BICC1: variants seen among roughly 807,000 people sequenced by gnomAD.
BICC1 encodes protein bicaudal C homolog 1.
Under a neutral mutation model 111.0 loss-of-function variants are expected in BICC1, and 43 were observed. The ratio of observed to expected loss-of-function variants is 0.39; its 90% CI spans 0.30 to 0.50. BICC1 has a LOEUF of 0.50. Ranked by LOEUF, BICC1 falls within the 20% of genes least tolerant of loss-of-function variation. The pLI is 0.88. For synonymous variants in BICC1, 467 were observed against 434.4 expected, an observed-to-expected ratio of 1.07 and a Z score of -0.93; for missense variants, 1,091 against 1,203.2, an observed-to-expected ratio of 0.91 and a Z score of 1.38.
intron 1 of BICC1, among the ~76,000 whole-genome samples, chr10:58,609,769 A>G (rs1418369616): frequency 6.6e-6 from 1 of 152,238 alleles, no homozygotes; most frequent in Non-Finnish European, 1.5e-5. Flanking sequence ...TAGGAAGATC[A>G]GCATAAGCTC....
Position 58,513,075 on chromosome 10 carries a change from C to A in BICC1, c.-69C>A, listed in dbSNP as rs1842138056. The A allele has an allele frequency of 8.2e-7, 1 of 1,224,106 alleles. No homozygotes were observed. Among genetic ancestry groups the A allele is most frequent in the Non-Finnish European group, 1.0e-6 (1 of 967,302 alleles). 75.8% of individuals were successfully genotyped at this position (1,224,106 alleles called of 1,614,324 possible). A position where few individuals can be genotyped will look rare whatever the true frequency, so the allele number is the denominator to read the frequency against. On this transcript the variant is annotated 5_prime_UTR_variant, in exon 1 of 21. Coordinates refer to ENST00000373886, the MANE Select transcript of BICC1 (RefSeq NM_001080512.3). ...GCGCTGGGAGCCAGTTGAGCCCGGC[C>A]GGCGAGCGGAGGCGGCAGCGCAGGC...
chr10:58,608,632 T>G (rs953281301), intron 1 of BICC1, among the ~76,000 whole-genome samples: 26 of 152,236 alleles, frequency 1.7e-4, no homozygotes, highest in Admixed American at 7.2e-4. Context: ...CAACTATACG[T>G]CCTTAGAGGT....
intron 1 of BICC1, among the ~76,000 whole-genome samples, chr10:58,591,930 G>A (rs1844632275): frequency 6.6e-6 from 1 of 152,194 alleles, no homozygotes; most frequent in African/African-American, 2.4e-5. Context: ...GTTGTGCTTA[G>A]CAATGTTTCT....
At chr10:58,719,390 A>C (rs1193112131) in intron 3 of BICC1, among the ~76,000 whole-genome samples, 1 of 152,060 alleles carries the variant, frequency 6.6e-6, no homozygotes, top group African/African-American at 2.4e-5. Flanking sequence ...ACTCATCCTC[A>C]CACATCCATC....
intron 1 of BICC1, among the ~76,000 whole-genome samples, chr10:58,521,768 GTTTTTTTTTTTTTTTTTTTTTTTT>G (rs573116230): frequency 1.5e-4 from 17 of 112,804 alleles, no homozygotes; most frequent in Non-Finnish European, 2.1e-4. Context: ...GGAATGTGGT[GTTTTTTTTTTTTTTTTTTTTTTTT>G]TTTTTTTTTT....
intron 3 of BICC1, chr10:58,715,420 C>T (rs1442477858): frequency 1.6e-6 from 1 of 615,758 alleles, no homozygotes; most frequent in Non-Finnish European, 2.9e-6. Flanking sequence ...CACATTTCTA[C>T]CATTGGATTT....
At chr10:58,783,607 TTGTG>T (rs1842936602) in intron 3 of BICC1, among the ~76,000 whole-genome samples, 1 of 150,994 alleles carries the variant, frequency 6.6e-6, no homozygotes. Flanking sequence ...TGGTGGTAAA[TTGTG>T]AAAGGTGTGA....
chr10:58,529,847 A>G (rs1658477), intron 1 of BICC1, among the ~76,000 whole-genome samples: 69,753 of 151,688 alleles, frequency 0.46, 17,094 homozygotes, highest in Admixed American at 0.62. Context: ...CATTATCTAA[A>G]TAGAGCATAT....
rs370340196 is a variant in BICC1 at position 58,564,752 on chromosome 10, A to G, written c.190+51419A>G. On this transcript the variant is annotated intron_variant, in intron 1 of 20. Coordinates refer to ENST00000373886, the MANE Select transcript of BICC1 (RefSeq NM_001080512.3). ...AACCCATTTGATATGAATTTGGTAA[A>G]TATGGTTATAAATGGTTCTGGCTAT... Among the ~76,000 whole-genome samples the G allele has an allele frequency of 1.6e-4, 24 of 152,324 alleles. 1 individual carries two copies. Among genetic ancestry groups the G allele is most frequent in the Admixed American group, 9.8e-4 (15 of 15,300 alleles).
chr10:58,515,306 G>A (rs761064795), intron 1 of BICC1, among the ~76,000 whole-genome samples: 1 of 152,150 alleles, frequency 6.6e-6, no homozygotes, highest in Non-Finnish European at 1.5e-5. Context: ...TTAGAAATGT[G>A]TCCTTAGGCA....
chr10:58,595,566 C>G (rs1844784744), intron 1 of BICC1, among the ~76,000 whole-genome samples: 1 of 152,196 alleles, frequency 6.6e-6, no homozygotes, highest in African/African-American at 2.4e-5. Context: ...AAAACTCACT[C>G]AAAACCACAC....
chr10:58,813,688 C>T, intron 17 of BICC1, 142 bp from the exon 18 acceptor site: 1 of 826,318 alleles, frequency 1.2e-6, no homozygotes, highest in East Asian at 2.5e-5. Context: ...CCACAGCCTT[C>T]CCGAGAGTCA....
chr10:58,816,828 A>G (rs1339415054), intron 18 of BICC1, among the ~76,000 whole-genome samples: 1 of 148,400 alleles, frequency 6.7e-6, no homozygotes, highest in Non-Finnish European at 1.5e-5. Flanking sequence ...GTCCGTCACC[A>G]GCGCTTGCTT....
At chr10:58,664,550 A>C (rs1051580665) in intron 2 of BICC1, among the ~76,000 whole-genome samples, 1 of 152,094 alleles carries the variant, frequency 6.6e-6, no homozygotes, top group African/African-American at 2.4e-5. Context: ...TTCCCTTTCT[A>C]TACAGACACA....
At chr10:58,575,575 T>G (rs573452638) in intron 1 of BICC1, among the ~76,000 whole-genome samples, 34 of 3,618 alleles carry the variant, frequency 9.4e-3, no homozygotes, top group Non-Finnish European at 0.023. Flanking sequence ...GTAGTTTTTT[T>G]TTGGTTGTTG....
chr10:58,817,833 C>T, intron 19 of BICC1, 111 bp downstream of exon 19: 1 of 1,114,984 alleles, frequency 9.0e-7, no homozygotes, highest in Non-Finnish European at 1.3e-6. Context: ...AGCATTTATT[C>T]AAGTCTCATA....
chr10:58,532,755 T>A (rs1427991939), intron 1 of BICC1, among the ~76,000 whole-genome samples: 1 of 151,820 alleles, frequency 6.6e-6, no homozygotes, highest in Non-Finnish European at 1.5e-5. Context: ...GTTGAACAAA[T>A]TTTCCACTCA....
intron 18 of BICC1, 140 bp downstream of exon 18, chr10:58,814,126 C>G (rs771800365): frequency 1.1e-5 from 11 of 983,558 alleles, no homozygotes; most frequent in African/African-American, 3.2e-5. Flanking sequence ...GTGAAGCCTC[C>G]TTGTTTCTCC....
chr10:58,558,463 A>G (rs945305212), intron 1 of BICC1, among the ~76,000 whole-genome samples: 1 of 152,032 alleles, frequency 6.6e-6, no homozygotes, highest in Admixed American at 6.6e-5. Context: ...GTTCAATTGT[A>G]TGATTATTTT....
Sources: gnomAD v4.1 joint callset for allele counts (sites outside exome capture counted in the v4.1 genomes callset) on GRCh38, gnomAD v4.1.1 for gene constraint, MANE v1.5 for transcripts, NCBI Gene and HGNC (gene_info 2026-07-23, HGNC 2026-07-21) for gene names.